Variants in KIAA0825 observed in about 807,000 individuals in gnomAD.
KIAA0825 encodes KIAA0825.
In KIAA0825, 119 loss-of-function variants were observed where a neutral mutation model predicts 147.6. The observed-to-expected ratio is 0.81, with a 90% CI of 0.69 to 0.94. The LOEUF is 0.94. KIAA0825 is among the 40% of genes least tolerant of loss of function. KIAA0825 has a pLI of 0.00. For synonymous variants in KIAA0825, 470 were observed against 518.1 expected (o/e 0.91, Z 1.26); for missense variants, 1,381 against 1,472.7 (o/e 0.94, Z 1.02).
In KIAA0825 at chr5:94,529,420, A is replaced by ATCATATGTATATATCATATATGTATATC. The variant is rs1770292234; in HGVS notation, c.132-5323_132-5322insGATATACATATATGATATATACATATGA. Among the ~76,000 whole-genome samples the ATCATATGTATATATCATATATGTATATC allele has an allele frequency of 2.7e-5, 4 of 147,180 alleles. No homozygotes were observed. The South Asian group carries it at 8.4e-4, about 31-fold the overall frequency. On this transcript the variant is annotated intron_variant, in intron 3 of 20. Coordinates refer to ENST00000682413, the MANE Select transcript of KIAA0825 (RefSeq NM_001145678.3). ...ATATGTATATCTCATATATGTATATATCATATGTATATATCATATATGTAT... is the reference window on the plus strand; with the variant it reads ...ATATGTATATCTCATATATGTATATATCATATGTATATATCATATATGTATATCTCATATGTATATATCATATATGTAT...
chr5:94,242,157 T>A (rs924930565), intron 20 of KIAA0825, among the ~76,000 whole-genome samples: 1 of 152,232 alleles, frequency 6.6e-6, no homozygotes, highest in African/African-American at 2.4e-5. Context: ...CCAGATGTTG[T>A]TTCCCACTCT....
At chr5:94,173,511 A>T (rs1312973946) in intron 20 of KIAA0825, among the ~76,000 whole-genome samples, 1 of 152,096 alleles carries the variant, frequency 6.6e-6, no homozygotes, top group Non-Finnish European at 1.5e-5. Flanking sequence ...TCCTCATAAC[A>T]TGGCAGCTCC....
At chr5:94,613,698 C>T (rs914857041) in intron 1 of KIAA0825, among the ~76,000 whole-genome samples, 3 of 152,184 alleles carry the variant, frequency 2.0e-5, no homozygotes, top group Non-Finnish European at 2.9e-5. Flanking sequence ...GAAAAAGATG[C>T]CTTTTTCCAA....
At chr5:94,452,706 C>T (rs1408140870) in intron 13 of KIAA0825, among the ~76,000 whole-genome samples, 1 of 152,108 alleles carries the variant, frequency 6.6e-6, no homozygotes, top group East Asian at 1.9e-4. Context: ...TAAAATAAAA[C>T]TAAATTCCAA....
chr5:94,171,128 A>G (rs1197704331), intron 20 of KIAA0825, among the ~76,000 whole-genome samples: 1 of 152,152 alleles, frequency 6.6e-6, no homozygotes, highest in Non-Finnish European at 1.5e-5. Context: ...AACTCCCACA[A>G]TTCCCACATG....
chr5:94,423,587 A>G (rs545051740), intron 14 of KIAA0825, among the ~76,000 whole-genome samples: 1 of 152,232 alleles, frequency 6.6e-6, no homozygotes, highest in East Asian at 1.9e-4. Context: ...ACTTTCTACA[A>G]GAATGTTGTT....
intron 20 of KIAA0825, among the ~76,000 whole-genome samples, chr5:94,267,359 T>C (rs1231039670): frequency 6.6e-6 from 1 of 152,214 alleles, no homozygotes; most frequent in Admixed American, 6.5e-5. Context: ...TTGAGCACTC[T>C]GTACTGGAGC....
chr5:94,448,126 T>G (rs1757958165), intron 13 of KIAA0825, among the ~76,000 whole-genome samples: 1 of 151,204 alleles, frequency 6.6e-6, no homozygotes, highest in African/African-American at 2.4e-5. Flanking sequence ...TGTGTTAACC[T>G]TGAGATTAAT....
At chr5:94,592,946 A>T in intron 1 of KIAA0825, 1 of 566,556 alleles carries the variant, frequency 1.8e-6, no homozygotes, top group Non-Finnish European at 3.3e-6. Flanking sequence ...GAAAGAAACA[A>T]AATCATACTT....
chr5:94,513,979 C>A (rs748053797), intron 5 of KIAA0825, among the ~76,000 whole-genome samples: 1 of 152,082 alleles, frequency 6.6e-6, no homozygotes, highest in Non-Finnish European at 1.5e-5. Flanking sequence ...TGTTAACCAG[C>A]CAAAATGCTT....
At chr5:94,386,697 T>G (rs1749193033) in intron 18 of KIAA0825, among the ~76,000 whole-genome samples, 1 of 152,188 alleles carries the variant, frequency 6.6e-6, no homozygotes. Flanking sequence ...TAACAGGCAT[T>G]GTCTTGTCAC....
At chr5:94,461,089 T>G (rs964516105) in intron 12 of KIAA0825, among the ~76,000 whole-genome samples, 1 of 151,942 alleles carries the variant, frequency 6.6e-6, no homozygotes, top group African/African-American at 2.4e-5. Flanking sequence ...AGTACTTGCA[T>G]AGTTGTTAAA....
chr5:94,199,234 G>A (rs1023753369), intron 20 of KIAA0825, among the ~76,000 whole-genome samples: 3 of 152,092 alleles, frequency 2.0e-5, no homozygotes, highest in Non-Finnish European at 4.4e-5. Flanking sequence ...TATTTTTTGT[G>A]CCCTTGAAGG....
rs375325721 is a variant in KIAA0825, at chr5:94,446,197, AT to A, written c.2358-6077del. ...CTTAGGGGACACAATACCAGTTTGAATTTTTTTATTCATTCATTCAACTAAT... is the reference window on the plus strand; with the variant it reads ...CTTAGGGGACACAATACCAGTTTGAATTTTTTATTCATTCATTCAACTAAT... On this transcript the variant is annotated intron_variant, in intron 13 of 20. Coordinates refer to ENST00000682413, the MANE Select transcript of KIAA0825 (RefSeq NM_001145678.3). Among the ~76,000 whole-genome samples the A allele has an allele frequency of 7.4e-3, 1,126 of 152,230 alleles. 20 individuals carry two copies. Among genetic ancestry groups the A allele is most frequent in the African/African-American group, 0.026 (1,071 of 41,538 alleles).
intron 20 of KIAA0825, among the ~76,000 whole-genome samples, chr5:94,378,223 C>G (rs1250668906): frequency 6.6e-6 from 1 of 152,110 alleles, no homozygotes; most frequent in African/African-American, 2.4e-5. Context: ...AAGCATAGCA[C>G]CTGACAGGTA....
At chr5:94,217,101 A>C (rs958549858) in intron 20 of KIAA0825, among the ~76,000 whole-genome samples, 3 of 152,186 alleles carry the variant, frequency 2.0e-5, no homozygotes, top group Non-Finnish European at 2.9e-5. Context: ...CTATGTATAC[A>C]TGTAGGAGTT....
chr5:94,375,911 A>G (rs1356471930), intron 20 of KIAA0825, among the ~76,000 whole-genome samples: 1 of 152,200 alleles, frequency 6.6e-6, no homozygotes, highest in Non-Finnish European at 1.5e-5. Flanking sequence ...CCTTTCATTT[A>G]ATAGATGTTC....
intron 20 of KIAA0825, among the ~76,000 whole-genome samples, chr5:94,347,525 T>C (rs2150352815): frequency 6.6e-6 from 1 of 152,292 alleles, no homozygotes; most frequent in East Asian, 1.9e-4. Flanking sequence ...GAAGACTCGC[T>C]GGGTGGCTAG....
chr5:94,489,464 A>AT (rs1183616152), intron 5 of KIAA0825, among the ~76,000 whole-genome samples: 2 of 152,118 alleles, frequency 1.3e-5, no homozygotes, highest in African/African-American at 4.8e-5. Flanking sequence ...TGAGCTTTAG[A>AT]TAAAAACCCT....
Sources: gnomAD v4.1 joint callset for allele counts (sites outside exome capture counted in the v4.1 genomes callset) on GRCh38, gnomAD v4.1.1 for gene constraint, MANE v1.5 for transcripts, NCBI Gene and HGNC (gene_info 2026-07-23, HGNC 2026-07-21) for gene names.